Variants in RASSF8 observed in about 807,000 individuals in gnomAD.
RASSF8 encodes the protein ras association domain-containing protein 8.
In RASSF8, 22 loss-of-function variants were observed where a neutral mutation model predicts 48.5. That is an observed-to-expected ratio of 0.45 (90% CI 0.32 to 0.65). The LOEUF (loss-of-function observed/expected upper bound fraction) is 0.65, where lower values mean the gene tolerates loss of function less well. Ranked by LOEUF, RASSF8 falls within the 30% of genes least tolerant of loss-of-function variation. RASSF8 has a pLI of 0.03. For missense variants in RASSF8, 418 were observed against 489.2 expected, an observed-to-expected ratio of 0.85 and a Z score of 1.37; for synonymous variants, 127 against 171.5, an observed-to-expected ratio of 0.74 and a Z score of 2.03.
chr12:26,030,022 T>C (rs1942995780), intron 2 of RASSF8, among the ~76,000 whole-genome samples: 1 of 152,190 alleles, frequency 6.6e-6, no homozygotes, highest in African/African-American at 2.4e-5. Context: ...AACTAATTTA[T>C]TTTTTGTAAA....
intron 3 of RASSF8, among the ~76,000 whole-genome samples, chr12:26,056,789 C>T (rs937202600): frequency 1.3e-5 from 2 of 152,132 alleles, no homozygotes; most frequent in Non-Finnish European, 2.9e-5. Context: ...ATTTGAGAAT[C>T]TTATATATGT....
At chr12:25,994,859 T>C (rs1942096404) in intron 1 of RASSF8, 178 bp from the exon 2 acceptor site, 1 of 152,222 alleles carries the variant, frequency 6.6e-6, no homozygotes, top group African/African-American at 2.4e-5. Context: ...CCACAAGGAC[T>C]GCAATTCAAA....
At chr12:26,058,960 G>C (rs766014907) in intron 3 of RASSF8, among the ~76,000 whole-genome samples, 12 of 152,160 alleles carry the variant, frequency 7.9e-5, no homozygotes, top group African/African-American at 1.2e-4. Flanking sequence ...CTCGGAGTTT[G>C]TCACTGTACA....
chr12:26,070,740 A>T lies in RASSF8; in HGVS notation c.*1922A>T. 4 of 883,948 alleles carry T rather than the reference A, an allele frequency of 4.5e-6. No individual in the cohort carries two copies. Among genetic ancestry groups the T allele is most frequent in the Non-Finnish European group, 5.4e-6 (4 of 737,032 alleles). The allele number at this position is 883,948 out of a possible 1,614,324, so 54.8% of individuals were successfully genotyped here. On this transcript the variant is annotated 3_prime_UTR_variant, in exon 6 of 6. Coordinates refer to ENST00000689635, the MANE Select transcript of RASSF8 (RefSeq NM_001394098.1). ...TTTGTTGTTGTTCAGAGAAATCAAG[A>T]TCTTATTCACAAAGAAAAACATTTT...
At chr12:26,027,796 G>C (rs1309018225) in intron 2 of RASSF8, among the ~76,000 whole-genome samples, 1 of 152,192 alleles carries the variant, frequency 6.6e-6, no homozygotes, top group African/African-American at 2.4e-5. Context: ...CCTAGGGAGA[G>C]AGGGGATAGA....
At chr12:26,039,943 T>A (rs1419540920) in intron 2 of RASSF8, among the ~76,000 whole-genome samples, 2 of 152,218 alleles carry the variant, frequency 1.3e-5, no homozygotes, top group African/African-American at 4.8e-5. Context: ...TACATAATCA[T>A]GTATGTTACT....
chr12:26,045,544 T>C (rs1314011121), intron 2 of RASSF8, among the ~76,000 whole-genome samples: 1 of 152,238 alleles, frequency 6.6e-6, no homozygotes, highest in Non-Finnish European at 1.5e-5. Context: ...CAAAGGAATA[T>C]GCTTTGATAT....
chr12:26,075,835 C>T (rs948718725), downstream of RASSF8, among the ~76,000 whole-genome samples: 1 of 152,054 alleles, frequency 6.6e-6, no homozygotes. Flanking sequence ...GGGAGGAGTG[C>T]GGCATGTACA....
Position 26,067,588 on chromosome 12 carries a change from A to G in RASSF8, c.1013A>G (p.Glu338Gly), listed in dbSNP as rs750872295. 6.2e-7 allele frequency: 1 copy of G among 1,613,748 alleles called. No individual in the cohort carries two copies. The highest frequency in any genetic ancestry group is 1.1e-5 in the South Asian group (1 of 91,072). The change falls in exon 5 of 6, where the codon GAG becomes GGG. Residue 338 changes from glutamate to glycine, a missense_variant. Transcript: ENST00000689635. ...KRLQDKEQEL[E>G]QLTKELRQVN... ...ATCTAGGACAAAGAACAGGAACTGG[A>G]GCAGTTGACTAAGGAGTTGCGGCAA...
chr12:26,074,487 C>T (rs142246892), downstream of RASSF8, among the ~76,000 whole-genome samples: 4,420 of 151,758 alleles, frequency 0.029, 95 homozygotes, highest in Middle Eastern at 0.054. Context: ...GGATTACAGG[C>T]GTCCGCCACC....
intron 2 of RASSF8, among the ~76,000 whole-genome samples, chr12:26,013,561 A>T (rs767386874): frequency 3.3e-5 from 5 of 152,190 alleles, no homozygotes; most frequent in Non-Finnish European, 5.9e-5. Context: ...AGGCCTCTTC[A>T]TTAGAAATCA....
intron 2 of RASSF8, among the ~76,000 whole-genome samples, chr12:26,050,800 A>G (rs941594153): frequency 2.0e-5 from 3 of 152,212 alleles, no homozygotes; most frequent in African/African-American, 7.2e-5. Context: ...TGAGCATCAG[A>G]TGCTCATTTT....
At chr12:25,960,268 C>G (rs1354204785) in intron 1 of RASSF8, among the ~76,000 whole-genome samples, 4 of 152,026 alleles carry the variant, frequency 2.6e-5, no homozygotes, top group African/African-American at 9.7e-5. Context: ...TTGGAGTTGC[C>G]AGGAGTTGCC....
At chr12:25,998,285 A>G (rs1321721818) in intron 2 of RASSF8, among the ~76,000 whole-genome samples, 1 of 151,954 alleles carries the variant, frequency 6.6e-6, no homozygotes, top group Admixed American at 6.5e-5. Context: ...AGAAATTTGT[A>G]TCCAGACATC....
intron 2 of RASSF8, among the ~76,000 whole-genome samples, chr12:26,004,611 A>T (rs1219904794): frequency 1.3e-5 from 2 of 152,228 alleles, no homozygotes; most frequent in African/African-American, 4.8e-5. Flanking sequence ...AAGTAAGAGA[A>T]AAGACAGTGT....
At chr12:26,079,884 A>G (rs1944103064) in exon 6 of RASSF8, 1 of 152,240 alleles carries the variant, frequency 6.6e-6, no homozygotes, top group African/African-American at 2.4e-5. Flanking sequence ...ACTATCATAC[A>G]ACCCAGCAGT....
intron 2 of RASSF8, among the ~76,000 whole-genome samples, chr12:26,004,568 G>A (rs1284413605): frequency 6.6e-6 from 1 of 152,118 alleles, no homozygotes; most frequent in African/African-American, 2.4e-5. Context: ...TATTTTGTAT[G>A]TTATATGTAT....
chr12:26,067,841 C>T (rs1943913883), intron 5 of RASSF8, 128 bp downstream of exon 5: 1 of 1,257,836 alleles, frequency 8.0e-7, no homozygotes, highest in Non-Finnish European at 1.1e-6. Context: ...CCACGGCTTA[C>T]TGCAGCCTCG....
downstream of RASSF8, among the ~76,000 whole-genome samples, chr12:26,076,412 C>T (rs1944073498): frequency 6.6e-6 from 1 of 152,136 alleles, no homozygotes; most frequent in African/African-American, 2.4e-5. Context: ...CTATCCCTCC[C>T]CCAGCTCCCC....
Sources: gnomAD v4.1 joint callset for allele counts (sites outside exome capture counted in the v4.1 genomes callset) on GRCh38, gnomAD v4.1.1 for gene constraint, MANE v1.5 for transcripts, NCBI Gene and HGNC (gene_info 2026-07-23, HGNC 2026-07-21) for gene names.